C16orf78: variants seen among roughly 807,000 people sequenced by gnomAD.
C16orf78 encodes the protein chromosome 16 open reading frame 78, also known as uncharacterized protein C16orf78.
C16orf78 carries 19 observed loss-of-function variants against 27.3 expected under a neutral mutation model. The ratio of observed to expected loss-of-function variants is 0.70; its 90% CI spans 0.49 to 1.02. The LOEUF is 1.02. C16orf78 is among the 50% of genes least tolerant of loss of function. C16orf78 has a pLI of 0.00. For missense variants in C16orf78, 339 were observed against 337.0 expected (o/e 1.01, Z -0.05); for synonymous variants, 130 against 116.1 (o/e 1.12, Z -0.77).
intron 3 of C16orf78, among the ~76,000 whole-genome samples, chr16:49,383,964 A>G (rs1425562689): frequency 6.6e-6 from 1 of 152,244 alleles, no homozygotes; most frequent in East Asian, 1.9e-4. Context: ...AAGGACATTC[A>G]CCGAGCTACA....
chr16:49,374,185 G>A (rs535856425), intron 1 of C16orf78, 96 bp downstream of exon 1: 51 of 1,482,394 alleles, frequency 3.4e-5, no homozygotes, highest in Admixed American at 8.4e-5. Flanking sequence ...AACAAAAGGC[G>A]GGATGGTTTT....
intron 3 of C16orf78, among the ~76,000 whole-genome samples, chr16:49,386,199 A>G (rs1965348693): frequency 6.6e-6 from 1 of 152,232 alleles, no homozygotes; most frequent in Non-Finnish European, 1.5e-5. Flanking sequence ...GTATCTAAAT[A>G]TATAAAAAAA....
At chr16:49,396,341 C>T in intron 3 of C16orf78, 82 bp from the exon 4 acceptor site, 1 of 1,493,668 alleles carries the variant, frequency 6.7e-7, no homozygotes, top group Admixed American at 1.8e-5. Flanking sequence ...ATGCATTCCT[C>T]CAGCCTTCAT....
chr16:49,394,787 A>G (rs1965451208), intron 3 of C16orf78, among the ~76,000 whole-genome samples: 1 of 151,850 alleles, frequency 6.6e-6, no homozygotes, highest in African/African-American at 2.4e-5. Flanking sequence ...TATCTGCAAA[A>G]CTCATGAAAT....
At chr16:49,374,195 T>C in intron 1 of C16orf78, 106 bp downstream of exon 1, 1 of 1,413,154 alleles carries the variant, frequency 7.1e-7, no homozygotes, top group South Asian at 1.4e-5. Context: ...GGGATGGTTT[T>C]GAAGTGCTGG....
At chr16:49,395,331 G>T (rs965805192) in intron 3 of C16orf78, among the ~76,000 whole-genome samples, 1 of 152,138 alleles carries the variant, frequency 6.6e-6, no homozygotes, top group Non-Finnish European at 1.5e-5. Context: ...AATTTAGCAA[G>T]AAAAAAATAT....
At chr16:49,381,113 C>T (rs1293323889) in intron 3 of C16orf78, among the ~76,000 whole-genome samples, 2 of 151,744 alleles carry the variant, frequency 1.3e-5, no homozygotes, top group African/African-American at 2.4e-5. Context: ...CTTGGCGATG[C>T]GAGCTGTTTT....
At position 49,396,313 on chromosome 16, in the gene C16orf78, A is replaced by G. The variant is rs147594778; in HGVS notation, c.395-110A>G. ...ACGAAAAGACCTCATATCTCAGAAC[A>G]GGTACGGTTTGAAGTCCATGCATTC... is the stretch of plus-strand genomic sequence containing the variant. On this transcript the variant is annotated intron_variant, in intron 3 of 4. Transcript: ENST00000299191. 5.9e-3 allele frequency: 7,370 copies of G among 1,254,294 alleles called. 38 individuals are homozygous for G. The highest frequency in any genetic ancestry group is 7.2e-3 in the Non-Finnish European group (6,435 of 890,958). The allele number at this position is 1,254,294 out of a possible 1,614,324, so 77.7% of individuals were successfully genotyped here. A position where few individuals can be genotyped will look rare whatever the true frequency, so the allele number is the denominator to read the frequency against.
At chr16:49,389,240 T>C (rs2151614360) in intron 3 of C16orf78, among the ~76,000 whole-genome samples, 1 of 152,160 alleles carries the variant, frequency 6.6e-6, no homozygotes, top group South Asian at 2.1e-4. Context: ...TTGGCCAACA[T>C]GGCAAAACCC....
chr16:49,374,058 G>A lies in C16orf78; in HGVS notation c.119G>A (p.Arg40Gln), dbSNP rs371310295. The change falls in exon 1 of 5, where the codon CGG (arginine) becomes CAG (glutamine). Residue 40 changes from arginine to glutamine, a missense_variant. Arg to Gln is a conservative substitution (Grantham distance 43). Coordinates refer to ENST00000299191, the MANE Select transcript of C16orf78 (RefSeq NM_144602.4). Reference protein sequence around the residue: ...DLTCVLEWLERRQGKKKQAPE... With the variant: ...DLTCVLEWLEQRQGKKKQAPE... ...ACCTGTGTGCTGGAGTGGCTGGAGC[G>A]GAGGCAGGGGAAGAAGAAACAAGCT... is the stretch of plus-strand genomic sequence containing the variant. The A allele has an allele frequency of 1.9e-5, 30 of 1,614,012 alleles. No individual in the cohort carries two copies. Among genetic ancestry groups the A allele is most frequent in the Middle Eastern group, 1.6e-4 (1 of 6,084 alleles).
chr16:49,397,515 A>G (rs1965488692), intron 4 of C16orf78, among the ~76,000 whole-genome samples: 1 of 152,204 alleles, frequency 6.6e-6, no homozygotes. Flanking sequence ...CTTCCAGATG[A>G]ACAGGGAGAG....
At chr16:49,390,734 C>A (rs1046788492) in intron 3 of C16orf78, among the ~76,000 whole-genome samples, 4 of 152,228 alleles carry the variant, frequency 2.6e-5, no homozygotes, top group African/African-American at 9.6e-5. Context: ...GGAATCTTTG[C>A]ATAACTTTGC....
chr16:49,379,160 GA>G (rs1965257751), intron 3 of C16orf78, among the ~76,000 whole-genome samples: 1 of 152,072 alleles, frequency 6.6e-6, no homozygotes, highest in African/African-American at 2.4e-5. Flanking sequence ...TATAAAATGG[GA>G]CAACAACAAT....
At chr16:49,380,653 A>G (rs1965275303) in intron 3 of C16orf78, among the ~76,000 whole-genome samples, 1 of 152,188 alleles carries the variant, frequency 6.6e-6, no homozygotes, top group Non-Finnish European at 1.5e-5. Flanking sequence ...CCCATTTGTC[A>G]ATTTTGGCTT....
rs111355064 is a variant in C16orf78, at chr16:49,387,750, T to C, written c.395-8673T>C. The stretch of plus-strand genomic sequence containing the variant: ...AATTTTGGAGCTCATTATTAGTCTG[T>C]TCAGGGATTCAGTTTCTTCCTGGTT... On this transcript the variant is annotated intron_variant, in intron 3 of 4. Coordinates refer to ENST00000299191, the MANE Select transcript of C16orf78 (RefSeq NM_144602.4). 5.8e-3 allele frequency among the ~76,000 whole-genome samples: 880 copies of C among 152,320 alleles called. 10 individuals carry two copies. The highest frequency in any genetic ancestry group is 0.02 in the African/African-American group (845 of 41,578).
intron 1 of C16orf78, among the ~76,000 whole-genome samples, chr16:49,375,580 G>A (rs565300728): frequency 6.2e-4 from 94 of 152,246 alleles, no homozygotes; most frequent in African/African-American, 2.1e-3. Context: ...ATGAGAAAGT[G>A]CCCCTATGAT....
chr16:49,385,125 A>C (rs895826051), intron 3 of C16orf78, among the ~76,000 whole-genome samples: 13 of 152,368 alleles, frequency 8.5e-5, no homozygotes, highest in African/African-American at 3.1e-4. Flanking sequence ...ATACATATAT[A>C]GTCAAATTTC....
At chr16:49,377,659 C>G (rs1335780685) in intron 1 of C16orf78, 72 bp from the exon 2 acceptor site, 1 of 1,547,648 alleles carries the variant, frequency 6.5e-7, no homozygotes, top group African/African-American at 1.4e-5. Flanking sequence ...TGGGAGCCTT[C>G]TCCTTGGGGA....
chr16:49,375,870 T>A (rs996384823), intron 1 of C16orf78, among the ~76,000 whole-genome samples: 1 of 152,238 alleles, frequency 6.6e-6, no homozygotes, highest in African/African-American at 2.4e-5. Context: ...TTACATTCAC[T>A]TCCCTGGTTA....
Sources: gnomAD v4.1 joint callset for allele counts (sites outside exome capture counted in the v4.1 genomes callset) on GRCh38, gnomAD v4.1.1 for gene constraint, MANE v1.5 for transcripts, NCBI Gene and HGNC (gene_info 2026-07-23, HGNC 2026-07-21) for gene names.